The following MYO9B variants were observed in gnomAD, a reference collection of about 807,000 sequenced individuals.
MYO9B encodes the protein myosin IXB, also known as unconventional myosin-IXb.
Under a neutral mutation model 229.5 loss-of-function variants are expected in MYO9B, and 71 were observed. That is an observed-to-expected ratio of 0.31 (90% CI 0.26 to 0.38). MYO9B has a LOEUF of 0.38. MYO9B is among the 10% of genes least tolerant of loss of function. MYO9B has a pLI of 1.00. For missense variants in MYO9B, 2,255 were observed against 2,920.5 expected, an observed-to-expected ratio of 0.77 and a Z score of 5.25; for synonymous variants, 1,185 against 1,235.8, an observed-to-expected ratio of 0.96 and a Z score of 0.86.
chr19:17,112,740 A>G (rs1245228620), intron 2 of MYO9B, among the ~76,000 whole-genome samples: 2 of 152,218 alleles, frequency 1.3e-5, no homozygotes, highest in Admixed American at 6.5e-5. Context: ...CCGCAGCCCC[A>G]GGGCTCATCA....
intron 2 of MYO9B, among the ~76,000 whole-genome samples, chr19:17,126,449 T>A (rs980456718): frequency 6.6e-6 from 1 of 152,126 alleles, no homozygotes; most frequent in Non-Finnish European, 1.5e-5. Flanking sequence ...CTGGCCACTC[T>A]TTTCTCACGA....
intron 6 of MYO9B, 68 bp from the exon 7 acceptor site, chr19:17,156,841 C>G: frequency 2.0e-6 from 3 of 1,525,476 alleles, no homozygotes; most frequent in Admixed American, 2.1e-5. Flanking sequence ...CAGCCCGGTT[C>G]CCTGGGAAGT....
At chr19:17,158,401 C>T (rs2145297044) in intron 7 of MYO9B, among the ~76,000 whole-genome samples, 1 of 152,124 alleles carries the variant, frequency 6.6e-6, no homozygotes, top group African/African-American at 2.4e-5. Flanking sequence ...GGCCCCAAAG[C>T]CTGACCAATA....
chr19:17,200,671 G>A lies in MYO9B; in HGVS notation c.4405G>A (p.Gly1469Ser). The change falls in exon 26 of 40, where the codon GGT (glycine) becomes AGT (serine). Residue 1469 changes from glycine to serine, a missense_variant. Around this residue, in one of 7 missense-constraint regions of MYO9B, gnomAD observed 679 missense variants for 770.2 expected, o/e 0.88. Transcript: ENST00000682292. Reference sequence around the variant, plus strand: ...CGGACAGCAGCATCGCCACGCTGCAGGTGAGAAGCGCACCAAGGAACCAGG... The same window carrying A: ...CGGACAGCAGCATCGCCACGCTGCAAGTGAGAAGCGCACCAAGGAACCAGG... The part of the protein sequence containing the change: ...PSGQQHRHAA[G>S]EKRTKEPGGK... 6.2e-7 allele frequency: 1 copy of A among 1,613,988 alleles called. No homozygotes were observed.
chr19:17,118,953 C>G (rs372759857), intron 2 of MYO9B, among the ~76,000 whole-genome samples: 1 of 152,150 alleles, frequency 6.6e-6, no homozygotes, highest in South Asian at 2.1e-4. Context: ...CCTGAGGGGA[C>G]ATCTCCAGTC....
intron 2 of MYO9B, among the ~76,000 whole-genome samples, chr19:17,141,953 G>T (rs1452414285): frequency 6.6e-6 from 1 of 152,122 alleles, no homozygotes; most frequent in African/African-American, 2.4e-5. Context: ...GAGTTGGAAG[G>T]ATCGCTTGAG....
chr19:17,109,946 G>A (rs1340591735), intron 2 of MYO9B, among the ~76,000 whole-genome samples: 1 of 152,152 alleles, frequency 6.6e-6, no homozygotes, highest in African/African-American at 2.4e-5. Context: ...CCCACTGCAG[G>A]TAGATTCCCC....
chr19:17,183,084 G>T (rs1022983639), intron 15 of MYO9B, among the ~76,000 whole-genome samples: 1 of 151,674 alleles, frequency 6.6e-6, no homozygotes, highest in Non-Finnish European at 1.5e-5. Context: ...ACCACACCTG[G>T]CTAATTTTTG....
chr19:17,136,386 C>T (rs536972292), intron 2 of MYO9B, among the ~76,000 whole-genome samples: 6 of 152,196 alleles, frequency 3.9e-5, no homozygotes, highest in Admixed American at 6.5e-5. Context: ...TCCAGCTACC[C>T]TCTGGAGAGC....
Position 17,101,568 on chromosome 19 carries a change from TCAGGTGCTATCTGCC to T in MYO9B, c.-58-87_-58-73del. On this transcript the variant is annotated intron_variant, in intron 1 of 39. Transcript: ENST00000682292. The surrounding 1 kb of genome is among the most constrained non-coding windows in gnomAD (Gnocchi z 4.7). ...TCGGGTGGGGAACTCCAGCATCGGG[TCAGGTGCTATCTGCC>T]CAGGAGTGGGACTCCACATGCCCCT... 7.9e-7 allele frequency: 1 copy of T among 1,259,182 alleles called. No individual in the cohort carries two copies. The highest frequency in any genetic ancestry group is 1.1e-6 in the Non-Finnish European group (1 of 941,466). 78.0% of individuals were successfully genotyped at this position (1,259,182 alleles called of 1,614,324 possible).
At chr19:17,196,134 A>G (rs1267535387) in intron 22 of MYO9B, among the ~76,000 whole-genome samples, 4 of 39,136 alleles carry the variant, frequency 1.0e-4, no homozygotes, top group Non-Finnish European at 1.4e-4. Context: ...AGAGAGAGGG[A>G]AGGATGTGTG....
intron 2 of MYO9B, 120 bp from the exon 3 acceptor site, chr19:17,145,277 G>T: frequency 1.0e-6 from 1 of 975,862 alleles, no homozygotes; most frequent in Non-Finnish European, 1.5e-6. Flanking sequence ...CTGTCTCCAA[G>T]AGAAAAAATA....
intron 26 of MYO9B, 94 bp from the exon 27 acceptor site, chr19:17,201,832 T>G (rs1355364556): frequency 1.1e-6 from 1 of 877,048 alleles, no homozygotes; most frequent in Non-Finnish European, 1.8e-6. Context: ...AGGGGATGAC[T>G]TAAGAGAGGA....
intron 1 of MYO9B, among the ~76,000 whole-genome samples, chr19:17,077,018 G>C (rs759579615): frequency 6.6e-5 from 10 of 152,140 alleles, no homozygotes; most frequent in Non-Finnish European, 1.5e-4. Flanking sequence ...GTCTGAGGTG[G>C]GAGCCCGTGG....
rs541223925 is a variant in MYO9B, at chr19:17,110,412, G to C, written c.840+7855G>C. ...GTCGACAGCCCAGGGGCTGTGGATAGAGCACCTTACAGCATCGGCCATGGG... is the reference window on the plus strand; with the variant it reads ...GTCGACAGCCCAGGGGCTGTGGATACAGCACCTTACAGCATCGGCCATGGG... On this transcript the variant is annotated intron_variant, in intron 2 of 39. Transcript: ENST00000682292. Among the ~76,000 whole-genome samples, 5 of 152,272 alleles carry C rather than the reference G, an allele frequency of 3.3e-5. No individual in the cohort carries two copies. In the South Asian group the frequency reaches 6.2e-4, roughly 19 times the overall value.
chr19:17,107,588 C>A (rs1181787843), intron 2 of MYO9B, among the ~76,000 whole-genome samples: 1 of 152,192 alleles, frequency 6.6e-6, no homozygotes, highest in African/African-American at 2.4e-5. Context: ...AGTCTGAAAT[C>A]AAGGTGTCCA....
At chr19:17,208,286 C>T (rs2073185192) in intron 35 of MYO9B, among the ~76,000 whole-genome samples, 1 of 141,370 alleles carries the variant, frequency 7.1e-6, no homozygotes, top group Non-Finnish European at 1.5e-5. Context: ...TTGCAGTGAG[C>T]TGAGATCACG....
At chr19:17,178,488 A>G (rs1336636031) in intron 14 of MYO9B, 1 of 152,032 alleles carries the variant, frequency 6.6e-6, no homozygotes, top group East Asian at 1.9e-4. Flanking sequence ...AAAAAAAAAA[A>G]AAAGCAGGAA....
At position 17,211,935 on chromosome 19, in the gene MYO9B, C is replaced by T; in HGVS notation, c.6099C>T (p.Thr2033=). Residue 2033 remains threonine (T), a synonymous_variant, in exon 40 of 40, where the codon ACC becomes ACT. Coordinates refer to ENST00000682292, the MANE Select transcript of MYO9B (RefSeq NM_004145.4). ...CTCTCCCTTGCCCCGGCGCGCCCACCCCGAGCCCCCTCCCCACCGTGGCCG... is the reference window on the plus strand; with the variant it reads ...CTCTCCCTTGCCCCGGCGCGCCCACTCCGAGCCCCCTCCCCACCGTGGCCG... ...APALPCPGAP[T]PSPLPTVAAP... 1 of 1,544,942 alleles carries T rather than the reference C, an allele frequency of 6.5e-7. No homozygotes were observed. The highest frequency in any genetic ancestry group is 8.8e-7 in the Non-Finnish European group (1 of 1,140,082).
Sources: allele counts gnomAD v4.1 joint callset (sites outside exome capture counted in the v4.1 genomes callset), GRCh38; gene constraint gnomAD v4.1.1; regional missense constraint gnomAD v4.1.1; non-coding constraint Gnocchi (gnomAD v3.1); transcripts MANE v1.5; gene names NCBI Gene and HGNC (gene_info 2026-07-23, HGNC 2026-07-21).